The following PCDHA3 variants were observed in gnomAD, a reference collection of about 807,000 sequenced individuals.
PCDHA3 encodes protocadherin alpha-3.
A neutral mutation model predicts 62.2 loss-of-function variants in PCDHA3; 41 were observed. The observed-to-expected ratio is 0.66, with a 90% confidence interval of 0.51 to 0.86. The LOEUF is 0.86. Among genes scored for constraint, PCDHA3 ranks in the 40% least tolerant of loss-of-function variants. PCDHA3 has a pLI of 0.00. For missense variants in PCDHA3, 1,304 were observed against 1,241.2 expected (o/e 1.05, Z -0.76); for synonymous variants, 640 against 555.4 (o/e 1.15, Z -2.14).
At chr5:140,834,669 T>C in intron 1 of PCDHA3, 3 of 1,614,208 alleles carry the variant, frequency 1.9e-6, no homozygotes, top group South Asian at 1.1e-5. Context: ...CGAGGAGCTG[T>C]GCGGGCGGAG....
In PCDHA3 at chr5:140,882,158, C is replaced by T. The variant is rs2058980027; in HGVS notation, c.2394+78567C>T. ...GAAAATATAGCAGAAAGCGGAATAC[C>T]TCTTGCGAATCCTTCCGCACTAGGA... On this transcript the variant is annotated intron_variant, in intron 1 of 3. Coordinates refer to ENST00000522353, the MANE Select transcript of PCDHA3 (RefSeq NM_018906.3). The T allele has an allele frequency of 4.6e-6, 7 of 1,507,380 alleles. No homozygotes were observed. The South Asian group carries it at 8.2e-5, about 18-fold the overall frequency. 93.4% of individuals were successfully genotyped at this position (1,507,380 alleles called of 1,614,324 possible). A position where few individuals can be genotyped will look rare whatever the true frequency, so the allele number is the denominator to read the frequency against.
intron 1 of PCDHA3, chr5:140,864,242 T>C (rs978090917): frequency 6.6e-6 from 1 of 152,208 alleles, no homozygotes; most frequent in Non-Finnish European, 1.5e-5. Flanking sequence ...TTATTCCTAT[T>C]CATTTTCTTA....
At chr5:140,931,815 T>C (rs954167352) in intron 1 of PCDHA3, among the ~76,000 whole-genome samples, 47 of 152,114 alleles carry the variant, frequency 3.1e-4, no homozygotes, top group African/African-American at 8.4e-4. Flanking sequence ...TAGAAAAGAA[T>C]TCTTGTCATA....
rs562713934 is a variant in PCDHA3, at chr5:140,967,172, G to A, written c.2395-11777G>A. 1.1e-5 allele frequency: 17 copies of A among 1,612,080 alleles called. No individual in the cohort carries two copies. The highest frequency in any genetic ancestry group is 2.2e-5 in the East Asian group (1 of 44,778). On this transcript the variant is annotated intron_variant, in intron 1 of 3. Coordinates refer to ENST00000522353, the MANE Select transcript of PCDHA3 (RefSeq NM_018906.3). ...CCCCGTGGCGGTGAGCGCCGTTGAG[G>A]TGGAAATATTGGACATCAACGACAA...
Position 140,926,930 on chromosome 5 carries a change from T to A in PCDHA3, c.2395-52019T>A, listed in dbSNP as rs1554203828. On this transcript the variant is annotated intron_variant, in intron 1 of 3. Coordinates refer to ENST00000522353, the MANE Select transcript of PCDHA3 (RefSeq NM_018906.3). ...GGGGTGGCAGTTTTATGTTTGTGGG[T>A]TTCCTGCGGCGCTGCAGCGGGACAG... 6 of 1,575,058 alleles carry A rather than the reference T, an allele frequency of 3.8e-6. No individual in the cohort carries two copies. The East Asian group carries it at 1.4e-4, about 35-fold the overall frequency.
rs577997860 is a variant in PCDHA3, at chr5:140,803,612, C to A, written c.2394+21C>A. The A allele has an allele frequency of 4.5e-5, 73 of 1,614,004 alleles. 3 individuals are homozygous for A. Among genetic ancestry groups the A allele is most frequent in the South Asian group, 4.5e-4 (41 of 91,058 alleles). On this transcript the variant is annotated intron_variant, in intron 1 of 3. Transcript: ENST00000522353. ...CCAAAGTGAGTAATTTTTATTTATT[C>A]TTTCCAAAATGTCTTTGTTTTTCAT... is the stretch of plus-strand genomic sequence containing the variant.
At position 140,835,855 on chromosome 5, in the gene PCDHA3, C is replaced by T. The variant is rs2150246728; in HGVS notation, c.2394+32264C>T. On this transcript the variant is annotated intron_variant, in intron 1 of 3. Coordinates refer to ENST00000522353, the MANE Select transcript of PCDHA3 (RefSeq NM_018906.3). ...GACGCGCAGAAGAACGCGCTGGTGT[C>T]CTACTCGCTGGTGGAGCTGCGGGTG... 9.9e-6 allele frequency: 16 copies of T among 1,612,246 alleles called. 1 individual carries two copies. In the East Asian group the frequency reaches 3.6e-4, roughly 36 times the overall value.
chr5:140,870,124 G>A, intron 1 of PCDHA3: 1 of 1,613,940 alleles, frequency 6.2e-7, no homozygotes, highest in Non-Finnish European at 8.5e-7. Context: ...GGAAATCTTG[G>A]ACACCAACGA....
intron 3 of PCDHA3, among the ~76,000 whole-genome samples, chr5:140,988,762 C>T (rs546274253): frequency 6.6e-6 from 1 of 152,308 alleles, no homozygotes; most frequent in South Asian, 2.1e-4. Context: ...GGGCAGAATA[C>T]AGTCATGGTT....
chr5:140,966,402 G>A (rs1554228257), intron 1 of PCDHA3: 4 of 404,514 alleles, frequency 9.9e-6, no homozygotes, highest in African/African-American at 8.2e-5. Context: ...ACTTCGGCGC[G>A]GAATCAGAGC....
At position 140,869,840 on chromosome 5, in the gene PCDHA3, A is replaced by T. The variant is rs782569950; in HGVS notation, c.2394+66249A>T. 9 of 1,611,616 alleles carry T rather than the reference A, an allele frequency of 5.6e-6. No homozygotes were observed. The Admixed American group carries it at 1.5e-4, about 27-fold the overall frequency. On this transcript the variant is annotated intron_variant, in intron 1 of 3. Transcript: ENST00000522353. The stretch of plus-strand genomic sequence containing the variant: ...AATGATCCAGAGTTTGATAAATCAG[A>T]ATATAAGGTGAGCCTTATGGAAAAT...
At position 140,849,621 on chromosome 5, in the gene PCDHA3, G is replaced by A. The variant is rs2150442688; in HGVS notation, c.2394+46030G>A. The stretch of plus-strand genomic sequence containing the variant: ...AGTTATTGCCCTGATTAGTGTGATC[G>A]ACCTAGACGCAGATGCCAACGGGCA... On this transcript the variant is annotated intron_variant, in intron 1 of 3. Transcript: ENST00000522353. The A allele has an allele frequency of 1.9e-6, 3 of 1,598,666 alleles. 1 individual carries two copies. The highest frequency in any genetic ancestry group is 2.2e-5 in the East Asian group (1 of 44,846).
intron 1 of PCDHA3, chr5:140,812,387 T>G (rs2126638189): frequency 2.6e-5 from 4 of 152,134 alleles, no homozygotes; most frequent in Non-Finnish European, 4.4e-5. Context: ...TTTTTCTTAG[T>G]CTAGCTAAGG....
At chr5:140,974,098 T>C (rs1316262429) in intron 1 of PCDHA3, among the ~76,000 whole-genome samples, 1 of 152,262 alleles carries the variant, frequency 6.6e-6, no homozygotes, top group Non-Finnish European at 1.5e-5. Flanking sequence ...AATCAAAGGT[T>C]AAAAGTATTC....
intron 1 of PCDHA3, chr5:140,834,165 C>T: frequency 1.8e-6 from 1 of 543,158 alleles, no homozygotes; most frequent in Non-Finnish European, 3.2e-6. Flanking sequence ...GTAATTCTTA[C>T]TTACATGATG....
At chr5:141,002,184 T>A (rs1554258557) in intron 3 of PCDHA3, among the ~76,000 whole-genome samples, 1 of 152,218 alleles carries the variant, frequency 6.6e-6, no homozygotes, top group East Asian at 1.9e-4. Flanking sequence ...CAGAGTGCTG[T>A]CTGGCAAGAT....
At chr5:140,804,878 A>C in intron 1 of PCDHA3, 8 of 558,506 alleles carry the variant, frequency 1.4e-5, no homozygotes, top group Non-Finnish European at 1.8e-5. Context: ...ATTTTTCTTG[A>C]CTCCTCTCCT....
chr5:140,843,352 A>G (rs2150358043), intron 1 of PCDHA3: 1 of 1,596,016 alleles, frequency 6.3e-7, no homozygotes. Flanking sequence ...AGGCTCCAAA[A>G]GCGTCATCGA....
rs545893416 is a variant in PCDHA3, at chr5:140,934,382, A to G, written c.2395-44567A>G. On this transcript the variant is annotated intron_variant, in intron 1 of 3. Transcript: ENST00000522353. ...CTGCTTTGACTCCTTCTGTGGTTCT[A>G]TGGTGGCCAGCTTTACCCACCAATG... Among the ~76,000 whole-genome samples the G allele has an allele frequency of 2.0e-3, 310 of 152,264 alleles. 8 individuals are homozygous for G. Among genetic ancestry groups the G allele is most frequent in the South Asian group, 3.9e-3 (19 of 4,830 alleles).
Sources: gnomAD v4.1 joint callset for allele counts (sites outside exome capture counted in the v4.1 genomes callset) on GRCh38, gnomAD v4.1.1 for gene constraint, MANE v1.5 for transcripts, NCBI Gene and HGNC (gene_info 2026-07-23, HGNC 2026-07-21) for gene names.